Variants in BCAS3 observed in about 807,000 individuals in gnomAD.
BCAS3 encodes BCAS3 microtubule associated cell migration factor, also known as BCAS4/BCAS3 fusion.
A neutral mutation model predicts 116.1 loss-of-function variants in BCAS3; 53 were observed. That is an observed-to-expected ratio of 0.46 (90% confidence interval 0.37 to 0.57). The LOEUF is 0.57. Ranked by LOEUF, BCAS3 falls within the 20% of genes least tolerant of loss-of-function variation. BCAS3 has a pLI of 0.00. For missense variants in BCAS3, 917 were observed against 1,165.4 expected (o/e 0.79, Z 3.10); for synonymous variants, 391 against 408.2 (o/e 0.96, Z 0.51).
chr17:61,289,758 G>A (rs2052202532), intron 22 of BCAS3, among the ~76,000 whole-genome samples: 1 of 152,180 alleles, frequency 6.6e-6, no homozygotes, highest in Non-Finnish European at 1.5e-5. Context: ...TTTCCAGTAA[G>A]GGGGAGAAGG....
At chr17:61,314,564 G>A (rs2054581202) in intron 22 of BCAS3, among the ~76,000 whole-genome samples, 1 of 152,158 alleles carries the variant, frequency 6.6e-6, no homozygotes, top group African/African-American at 2.4e-5. Context: ...CCCCTCCACC[G>A]CTGCCTGGGA....
rs1600430808 is a variant in BCAS3 at position 61,008,930 on chromosome 17, C to T, written c.1487-6821C>T. Among the ~76,000 whole-genome samples the T allele has an allele frequency of 2.0e-5, 3 of 151,858 alleles. No homozygotes were observed. The highest frequency in any genetic ancestry group is 4.8e-5 in the African/African-American group (2 of 41,362). ...CGGGCTTCAGTGTGGCTCAGTAATC[C>T]GATTTCAAAATGCAAGAGTTCCAAA... On this transcript the variant is annotated intron_variant, in intron 15 of 23. Transcript: ENST00000407086. The surrounding 1 kb of genome is among the most constrained non-coding windows in gnomAD (Gnocchi z 4.6).
rs536146916 is a variant in BCAS3, at chr17:61,387,596, C to G, written c.2594-4381C>G. On this transcript the variant is annotated intron_variant, in intron 23 of 23. Transcript: ENST00000407086. This position sits in a 1 kb window ranked among gnomAD's most constrained non-coding sequence, Gnocchi z 6.2. ...CTACTCATTCATCATCCCCCTACCC[C>G]TGGGGGCTGTCCATCCTGGCCCAAG... Among the ~76,000 whole-genome samples the G allele has an allele frequency of 1.3e-5, 2 of 152,186 alleles. No individual in the cohort carries two copies. The highest frequency in any genetic ancestry group is 4.8e-5 in the African/African-American group (2 of 41,440).
rs531649093 is a variant in BCAS3, at chr17:61,106,578, C to T, written c.2425+22014C>T. Reference sequence around the variant, plus strand: ...AACACATCTTTGTTGTTAAGCAATGCGTGGGTGTATAGTGTTGGTACTGTC... The same window carrying T: ...AACACATCTTTGTTGTTAAGCAATGTGTGGGTGTATAGTGTTGGTACTGTC... On this transcript the variant is annotated intron_variant, in intron 22 of 23. Coordinates refer to ENST00000407086, the MANE Select transcript of BCAS3 (RefSeq NM_017679.5). This position sits in a 1 kb window ranked among gnomAD's most constrained non-coding sequence, Gnocchi z 4.2. Among the ~76,000 whole-genome samples the T allele has an allele frequency of 2.6e-5, 4 of 152,276 alleles. No homozygotes were observed. The highest frequency in any genetic ancestry group is 9.6e-5 in the African/African-American group (4 of 41,554).
chr17:61,155,377 T>C (rs2077772335), intron 22 of BCAS3, among the ~76,000 whole-genome samples: 1 of 152,172 alleles, frequency 6.6e-6, no homozygotes, highest in East Asian at 1.9e-4. Flanking sequence ...TGGTGCTTTA[T>C]TTTTTGTGAT....
chr17:61,250,119 A>G (rs2048262000), intron 22 of BCAS3, among the ~76,000 whole-genome samples: 1 of 152,192 alleles, frequency 6.6e-6, no homozygotes, highest in South Asian at 2.1e-4. Context: ...AGGAAAGTTC[A>G]TACCCTGGGC....
In BCAS3 at chr17:61,015,909, CT is replaced by C; in HGVS notation, c.1637+10del. The C allele has an allele frequency of 6.2e-7, 1 of 1,610,556 alleles. No homozygotes were observed. Among genetic ancestry groups the C allele is most frequent in the Non-Finnish European group, 8.5e-7 (1 of 1,178,066 alleles). On this transcript the variant is annotated intron_variant, in intron 16 of 23. Coordinates refer to ENST00000407086, the MANE Select transcript of BCAS3 (RefSeq NM_017679.5). Reference sequence around the variant, plus strand: ...CATCACCAAACGAACCGGGTAAGGCCTTAGACTTGATGCTTTTTTAACAGCT... The same window carrying C: ...CATCACCAAACGAACCGGGTAAGGCCTAGACTTGATGCTTTTTTAACAGCT...
intron 22 of BCAS3, among the ~76,000 whole-genome samples, chr17:61,283,966 G>A (rs972575910): frequency 3.3e-5 from 5 of 152,148 alleles, no homozygotes; most frequent in Non-Finnish European, 7.4e-5. Flanking sequence ...TGATTCACCT[G>A]GGCAGCTTTA....
In BCAS3 at chr17:60,954,462, A is replaced by G. The variant is rs75630046; in HGVS notation, c.1221+7110A>G. On this transcript the variant is annotated intron_variant, in intron 14 of 23. Coordinates refer to ENST00000407086, the MANE Select transcript of BCAS3 (RefSeq NM_017679.5). ...TTTACCATTTTAAAGCATACAGTTCAATGGTATTAATTCACACTGTTGTGC... is the reference window on the plus strand; with the variant it reads ...TTTACCATTTTAAAGCATACAGTTCGATGGTATTAATTCACACTGTTGTGC... Among the ~76,000 whole-genome samples the G allele has an allele frequency of 6.6e-3, 998 of 152,320 alleles. 5 individuals are homozygous for G. Among genetic ancestry groups the G allele is most frequent in the Non-Finnish European group, 0.012 (814 of 68,024 alleles).
At chr17:60,892,736 C>T (rs1293172205) in intron 10 of BCAS3, among the ~76,000 whole-genome samples, 2 of 152,046 alleles carry the variant, frequency 1.3e-5, no homozygotes, top group Admixed American at 6.5e-5. Flanking sequence ...GCCTGGCCAA[C>T]ATAGTGAAAC....
chr17:61,322,806 G>GAGAGAGAGAC (rs1568850189), intron 22 of BCAS3, among the ~76,000 whole-genome samples: 41 of 130,912 alleles, frequency 3.1e-4, no homozygotes, highest in African/African-American at 1.0e-3. Flanking sequence ...GAGAGAGAGA[G>GAGAGAGAGAC]AGAGAGAGAG....
In BCAS3 at chr17:61,356,535, C is replaced by G. The variant is rs556600671; in HGVS notation, c.2426-11792C>G. 6.6e-6 allele frequency among the ~76,000 whole-genome samples: 1 copy of G among 152,314 alleles called. No homozygotes were observed. Among genetic ancestry groups the G allele is most frequent in the Admixed American group, 6.5e-5 (1 of 15,304 alleles). On this transcript the variant is annotated intron_variant, in intron 22 of 23. Transcript: ENST00000407086. The surrounding 1 kb of genome is among the most constrained non-coding windows in gnomAD (Gnocchi z 5.4). ...ACTGGGACCTACACTGATGACTGAT[C>G]TCTTGGGCTCACAGCCCTGCTCAAT...
At chr17:60,947,131 T>C in intron 13 of BCAS3, 88 bp from the exon 14 acceptor site, 1 of 1,308,682 alleles carries the variant, frequency 7.6e-7, no homozygotes, top group East Asian at 2.3e-5. Flanking sequence ...CCATTGGTAA[T>C]ATTTTAAATA....
intron 12 of BCAS3, among the ~76,000 whole-genome samples, chr17:60,921,262 A>G (rs1382360526): frequency 1.3e-5 from 2 of 152,198 alleles, no homozygotes; most frequent in African/African-American, 2.4e-5. Context: ...TTACAGCAGC[A>G]TGTGTGGAGC....
At chr17:60,917,923 T>C (rs1264818834) in intron 12 of BCAS3, among the ~76,000 whole-genome samples, 1 of 152,220 alleles carries the variant, frequency 6.6e-6, no homozygotes, top group African/African-American at 2.4e-5. Context: ...AATGCTTGTG[T>C]GAACATTGGT....
In BCAS3 at chr17:61,347,194, G is replaced by T. The variant is rs8073813; in HGVS notation, c.2426-21133G>T. 2.0e-5 allele frequency among the ~76,000 whole-genome samples: 3 copies of T among 151,920 alleles called. No individual in the cohort carries two copies. Among genetic ancestry groups the T allele is most frequent in the Non-Finnish European group, 1.5e-5 (1 of 67,978 alleles). On this transcript the variant is annotated intron_variant, in intron 22 of 23. Coordinates refer to ENST00000407086, the MANE Select transcript of BCAS3 (RefSeq NM_017679.5). This position sits in a 1 kb window ranked among gnomAD's most constrained non-coding sequence, Gnocchi z 4.3. ...GGTTCAAGCGATTCTCCTGCCTCCC[G>T]CCTCAGCCTCCCGAGTAGCTGGGAT...
chr17:60,898,264 A>G (rs1255612098), intron 10 of BCAS3, among the ~76,000 whole-genome samples: 1 of 152,062 alleles, frequency 6.6e-6, no homozygotes, highest in Admixed American at 6.6e-5. Context: ...GAGGCATCAT[A>G]TTTTATTTTT....
In BCAS3 at chr17:61,087,618, G is replaced by T. The variant is rs867893696; in HGVS notation, c.2425+3054G>T. The T allele has an allele frequency of 3.3e-5, 5 of 151,986 alleles. No individual in the cohort carries two copies. The East Asian group carries it at 5.8e-4, about 18-fold the overall frequency. The allele number at this position is 151,986 out of a possible 1,614,324, so 9.4% of individuals were successfully genotyped here. On this transcript the variant is annotated intron_variant, in intron 22 of 23. Coordinates refer to ENST00000407086, the MANE Select transcript of BCAS3 (RefSeq NM_017679.5). The surrounding 1 kb of genome is among the most constrained non-coding windows in gnomAD (Gnocchi z 4.6). ...AGTGTGCCACTTTTACCATGTAATGGTTTTTTTCACAATTTCTTAATATCT... is the reference window on the plus strand; with the variant it reads ...AGTGTGCCACTTTTACCATGTAATGTTTTTTTTCACAATTTCTTAATATCT...
At chr17:60,902,590 G>A (rs553689541) in intron 10 of BCAS3, 30 bp from the exon 11 acceptor site, 35 of 1,535,908 alleles carry the variant, frequency 2.3e-5, no homozygotes, top group South Asian at 2.0e-4. Context: ...TAGAAATGAC[G>A]TTCTGCTTCT....
Sources: allele counts gnomAD v4.1 joint callset (sites outside exome capture counted in the v4.1 genomes callset), GRCh38; gene constraint gnomAD v4.1.1; non-coding constraint Gnocchi (gnomAD v3.1); transcripts MANE v1.5; gene names NCBI Gene and HGNC (gene_info 2026-07-23, HGNC 2026-07-21).